LRRTM4: variants seen among roughly 807,000 people sequenced by gnomAD.
LRRTM4 encodes the protein leucine rich repeat transmembrane neuronal 4.
Under a neutral mutation model 47.6 loss-of-function variants are expected in LRRTM4, and 25 were observed. That is an observed-to-expected ratio of 0.53 (90% confidence interval 0.38 to 0.73). The LOEUF (loss-of-function observed/expected upper bound fraction) is 0.73, where lower values mean the gene tolerates loss of function less well. Ranked by LOEUF, LRRTM4 falls within the 30% of genes least tolerant of loss-of-function variation. LRRTM4 has a pLI of 0.00. For missense variants in LRRTM4, 638 were observed against 713.4 expected (o/e 0.89, Z 1.20); for synonymous variants, 311 against 269.5 (o/e 1.15, Z -1.51).
At chr2:77,346,660 A>C (rs1405112487) in intron 3 of LRRTM4, among the ~76,000 whole-genome samples, 3 of 152,180 alleles carry the variant, frequency 2.0e-5, no homozygotes, top group Non-Finnish European at 4.4e-5. Flanking sequence ...GATATAGACA[A>C]AAATGTAGCG....
intron 3 of LRRTM4, among the ~76,000 whole-genome samples, chr2:76,766,794 C>G (rs59576921): frequency 0.013 from 1,985 of 152,128 alleles, 41 homozygotes; most frequent in African/African-American, 0.045. Context: ...AGATTGAGGT[C>G]TACTGGCATC....
intron 3 of LRRTM4, among the ~76,000 whole-genome samples, chr2:76,793,494 T>G (rs1675089741): frequency 6.6e-6 from 1 of 152,194 alleles, no homozygotes; most frequent in Admixed American, 6.5e-5. Flanking sequence ...AGTAGGATTT[T>G]GATTAATTAT....
At chr2:77,269,283 C>T (rs183495000) in intron 3 of LRRTM4, among the ~76,000 whole-genome samples, 17 of 152,068 alleles carry the variant, frequency 1.1e-4, no homozygotes, top group South Asian at 2.1e-4. Context: ...TATTTCCCTA[C>T]GTAGATATTA....
intron 3 of LRRTM4, among the ~76,000 whole-genome samples, chr2:76,907,499 G>A (rs1431627619): frequency 4.1e-5 from 6 of 146,212 alleles, no homozygotes; most frequent in Non-Finnish European, 7.5e-5. Context: ...AATCAGAGCA[G>A]AACTGAAGGA....
At position 77,468,778 on chromosome 2, in the gene LRRTM4, A is replaced by C. The variant is rs532995451; in HGVS notation, c.1551+49540T>G. Among the ~76,000 whole-genome samples the C allele has an allele frequency of 3.9e-4, 60 of 152,158 alleles. 2 individuals carry two copies. The South Asian group carries it at 1.0e-2, about 25-fold the overall frequency. On this transcript the variant is annotated intron_variant, in intron 3 of 3. Coordinates refer to ENST00000409884, the MANE Select transcript of LRRTM4 (RefSeq NM_001134745.3). ...GTGCCAGTGTCCTGGCCAAACTCTCATGATGTGAAGTCTACCCCTACACAG... is the reference window on the plus strand; with the variant it reads ...GTGCCAGTGTCCTGGCCAAACTCTCCTGATGTGAAGTCTACCCCTACACAG...
intron 3 of LRRTM4, among the ~76,000 whole-genome samples, chr2:76,908,274 C>G (rs890149667): frequency 6.6e-6 from 1 of 151,996 alleles, no homozygotes; most frequent in African/African-American, 2.4e-5. Context: ...GCAGAAAAGG[C>G]CTTTGACAAA....
chr2:77,011,750 T>G (rs1340710530), intron 3 of LRRTM4, among the ~76,000 whole-genome samples: 1 of 152,106 alleles, frequency 6.6e-6, no homozygotes, highest in Non-Finnish European at 1.5e-5. Flanking sequence ...ATTATCTTAT[T>G]GGGGTAAATA....
At chr2:77,025,243 C>A (rs1036545672) in intron 3 of LRRTM4, among the ~76,000 whole-genome samples, 4 of 152,140 alleles carry the variant, frequency 2.6e-5, no homozygotes, top group East Asian at 3.9e-4. Flanking sequence ...TGTTGATAAT[C>A]CTTTCAAATA....
At chr2:76,795,940 G>A (rs1415353683) in intron 3 of LRRTM4, among the ~76,000 whole-genome samples, 9 of 151,294 alleles carry the variant, frequency 5.9e-5, no homozygotes, top group Admixed American at 2.0e-4. Context: ...GACAGTGGGC[G>A]CAGGTCAGTG....
At chr2:77,215,863 C>A (rs1050433820) in intron 3 of LRRTM4, among the ~76,000 whole-genome samples, 1 of 152,122 alleles carries the variant, frequency 6.6e-6, no homozygotes, top group African/African-American at 2.4e-5. Context: ...TTAGTGAAGT[C>A]TGTAATAATG....
intron 3 of LRRTM4, among the ~76,000 whole-genome samples, chr2:76,831,800 A>G (rs558461104): frequency 6.6e-6 from 1 of 152,180 alleles, no homozygotes; most frequent in East Asian, 1.9e-4. Flanking sequence ...CTTAATGAGA[A>G]TTTAGCTTTT....
chr2:77,317,973 C>G (rs1190500879), intron 3 of LRRTM4, among the ~76,000 whole-genome samples: 1 of 150,064 alleles, frequency 6.7e-6, no homozygotes, highest in Admixed American at 6.6e-5. Flanking sequence ...TATCTCTAAA[C>G]CAACATTTTC....
intron 3 of LRRTM4, among the ~76,000 whole-genome samples, chr2:77,141,226 T>C (rs1672112361): frequency 6.6e-6 from 1 of 152,174 alleles, no homozygotes; most frequent in African/African-American, 2.4e-5. Flanking sequence ...CCAACCCAAA[T>C]GTCCATCAGT....
At chr2:77,007,470 GGAAAGCAAT>G (rs1264130578) in intron 3 of LRRTM4, among the ~76,000 whole-genome samples, 3 of 152,082 alleles carry the variant, frequency 2.0e-5, no homozygotes, top group Non-Finnish European at 4.4e-5. Flanking sequence ...GAATATATTT[GGAAAGCAAT>G]GAAAGTCTAT....
chr2:77,444,304 T>C (rs1437218375), intron 3 of LRRTM4, among the ~76,000 whole-genome samples: 5 of 152,152 alleles, frequency 3.3e-5, no homozygotes, highest in Non-Finnish European at 5.9e-5. Flanking sequence ...TGACAAAGTT[T>C]TGAGGAGATC....
chr2:76,801,423 C>A (rs989553373), intron 3 of LRRTM4, among the ~76,000 whole-genome samples: 2 of 151,880 alleles, frequency 1.3e-5, no homozygotes, highest in African/African-American at 2.4e-5. Flanking sequence ...AACAAAAAAC[C>A]AAACAGCGCA....
chr2:77,031,544 T>C (rs1008993449), intron 3 of LRRTM4, among the ~76,000 whole-genome samples: 1 of 152,128 alleles, frequency 6.6e-6, no homozygotes, highest in African/African-American at 2.4e-5. Flanking sequence ...CTGTAGATGA[T>C]GGGTTACTCG....
At chr2:76,884,112 T>C (rs1312445590) in intron 3 of LRRTM4, among the ~76,000 whole-genome samples, 2 of 152,028 alleles carry the variant, frequency 1.3e-5, no homozygotes, top group African/African-American at 4.8e-5. Flanking sequence ...AGCCAGGAAA[T>C]GTGATTTTTA....
intron 3 of LRRTM4, among the ~76,000 whole-genome samples, chr2:77,326,081 C>T (rs1670764128): frequency 6.6e-6 from 1 of 152,122 alleles, no homozygotes; most frequent in Non-Finnish European, 1.5e-5. Flanking sequence ...GGAAAGGAGC[C>T]AAAGACACAG....
Sources: gnomAD v4.1 joint callset for allele counts (sites outside exome capture counted in the v4.1 genomes callset) on GRCh38, gnomAD v4.1.1 for gene constraint, MANE v1.5 for transcripts, NCBI Gene and HGNC (gene_info 2026-07-23, HGNC 2026-07-21) for gene names.